Variants in WWOX observed in about 807,000 individuals in gnomAD.
WWOX encodes WW domain containing oxidoreductase.
A neutral mutation model predicts 46.2 loss-of-function variants in WWOX; 69 were observed. The observed-to-expected ratio is 1.49, with a 90% CI of 1.23 to 1.82. The LOEUF is 1.82. Ranked by LOEUF, WWOX falls within the 40% of genes most tolerant of loss-of-function variation. The probability of loss-of-function intolerance (pLI) is 0.00; values close to 1 mark genes in which losing one functional copy is unlikely to be tolerated. For missense variants in WWOX, 919 were observed against 542.6 expected (o/e 1.69, Z -6.89); for synonymous variants, 359 against 202.6 (o/e 1.77, Z -6.56).
intron 8 of WWOX, among the ~76,000 whole-genome samples, chr16:78,745,300 G>T (rs766427815): frequency 3.3e-5 from 5 of 152,080 alleles, no homozygotes; most frequent in Non-Finnish European, 2.9e-5. Flanking sequence ...CATCTTCCCC[G>T]CCTTCCTCCA....
At chr16:78,441,385 T>C (rs960287877) in intron 8 of WWOX, among the ~76,000 whole-genome samples, 4 of 152,206 alleles carry the variant, frequency 2.6e-5, no homozygotes, top group Admixed American at 6.5e-5. Flanking sequence ...TTAATGTACT[T>C]CTTATCATTT....
At chr16:78,324,470 G>A (rs1201101866) in intron 5 of WWOX, among the ~76,000 whole-genome samples, 1 of 152,084 alleles carries the variant, frequency 6.6e-6, no homozygotes, top group African/African-American at 2.4e-5. Flanking sequence ...CATGGACCAA[G>A]ACTTGTACAT....
At chr16:78,805,887 C>G (rs896408120) in intron 8 of WWOX, among the ~76,000 whole-genome samples, 3 of 152,176 alleles carry the variant, frequency 2.0e-5, no homozygotes, top group Non-Finnish European at 2.9e-5. Flanking sequence ...CTTGTTGGGT[C>G]TTCTTTCTAG....
intron 8 of WWOX, among the ~76,000 whole-genome samples, chr16:78,934,083 C>G (rs959133105): frequency 6.6e-6 from 1 of 151,826 alleles, no homozygotes; most frequent in Admixed American, 6.6e-5. Context: ...TGCTGGTAAT[C>G]CCAGCACTTT....
At chr16:78,583,837 C>G (rs1475643218) in intron 8 of WWOX, among the ~76,000 whole-genome samples, 3 of 152,204 alleles carry the variant, frequency 2.0e-5, no homozygotes, top group African/African-American at 7.2e-5. Flanking sequence ...GTAATTGAGC[C>G]TCTCAGGTGA....
At chr16:78,889,604 C>A (rs989150476) in intron 8 of WWOX, among the ~76,000 whole-genome samples, 8 of 152,102 alleles carry the variant, frequency 5.3e-5, no homozygotes, top group African/African-American at 1.9e-4. Context: ...AAGTACTAAG[C>A]GTGCCCAGGG....
In WWOX at chr16:78,424,097, CTTTTCTTTTCTTTTTTTTTTTTGTT is replaced by C. The variant is rs1453570655; in HGVS notation, c.606-768_606-744del. 3.3e-5 allele frequency among the ~76,000 whole-genome samples: 4 copies of C among 122,980 alleles called. No homozygotes were observed. The East Asian group carries it at 1.2e-3, about 38-fold the overall frequency. The allele number at this position is 122,980 out of a possible 152,430, so 80.7% of individuals were successfully genotyped here. A position where few individuals can be genotyped will look rare whatever the true frequency, so the allele number is the denominator to read the frequency against. On this transcript the variant is annotated intron_variant, in intron 6 of 8. Coordinates refer to ENST00000566780, the MANE Select transcript of WWOX (RefSeq NM_016373.4). ...TTTTCTTTTTCTTTGTTTTTCTTTT[CTTTTCTTTTCTTTTTTTTTTTTGTT>C]TTTTTTTTTTTTGGAGATAGAGTCT...
At chr16:78,174,483 A>G (rs907887303) in intron 5 of WWOX, among the ~76,000 whole-genome samples, 4 of 152,204 alleles carry the variant, frequency 2.6e-5, no homozygotes, top group Non-Finnish European at 5.9e-5. Flanking sequence ...TCAGACACAA[A>G]CATTCAATTC....
intron 8 of WWOX, among the ~76,000 whole-genome samples, chr16:78,951,839 G>C (rs2046066497): frequency 6.6e-6 from 1 of 152,160 alleles, no homozygotes; most frequent in Non-Finnish European, 1.5e-5. Flanking sequence ...GGCAGTTCCT[G>C]GCACCAGCAT....
rs571033539 is a variant in WWOX at position 78,695,322 on chromosome 16, C to G, written c.1056+262570C>G. 5.3e-5 allele frequency among the ~76,000 whole-genome samples: 8 copies of G among 152,170 alleles called. No individual in the cohort carries two copies. The South Asian group carries it at 1.2e-3, about 24-fold the overall frequency. On this transcript the variant is annotated intron_variant, in intron 8 of 8. Coordinates refer to ENST00000566780, the MANE Select transcript of WWOX (RefSeq NM_016373.4). ...GCTTCCCCCCACTTTTTCTCTCACTCCAATTTGAATCCTCCCATATGTCCC... is the reference window on the plus strand; with the variant it reads ...GCTTCCCCCCACTTTTTCTCTCACTGCAATTTGAATCCTCCCATATGTCCC...
At position 78,099,681 on chromosome 16, in the gene WWOX, C is replaced by T. The variant is rs573508337; in HGVS notation, c.-98C>T. 676 of 1,426,398 alleles carry T rather than the reference C, an allele frequency of 4.7e-4. No homozygotes were observed. Among genetic ancestry groups the T allele is most frequent in the Middle Eastern group, 7.6e-4 (3 of 3,938 alleles). The allele number at this position is 1,426,398 out of a possible 1,614,324, so 88.4% of individuals were successfully genotyped here. ...AGTGCGCAGGCGTGAGCGGTCGGGC[C>T]CCGACGCGCGCGGGTCTCGTTTGGA... On this transcript the variant is annotated 5_prime_UTR_variant, in exon 1 of 9. Coordinates refer to ENST00000566780, the MANE Select transcript of WWOX (RefSeq NM_016373.4).
chr16:78,902,959 C>T (rs1208737206), intron 8 of WWOX, among the ~76,000 whole-genome samples: 1 of 152,200 alleles, frequency 6.6e-6, no homozygotes, highest in African/African-American at 2.4e-5. Context: ...ATCCACATTC[C>T]TGGATGAGTC....
At chr16:79,063,051 T>G (rs2048382449) in intron 8 of WWOX, among the ~76,000 whole-genome samples, 1 of 152,194 alleles carries the variant, frequency 6.6e-6, no homozygotes. Flanking sequence ...AGAGGGAGGT[T>G]GATAAACCAT....
chr16:79,185,801 T>C (rs992984164), intron 8 of WWOX, among the ~76,000 whole-genome samples: 1 of 152,182 alleles, frequency 6.6e-6, no homozygotes, highest in Non-Finnish European at 1.5e-5. Context: ...CAGGGTAGAA[T>C]GCATCGGACA....
At chr16:78,232,353 A>T (rs1443306325) in intron 5 of WWOX, among the ~76,000 whole-genome samples, 2 of 152,206 alleles carry the variant, frequency 1.3e-5, no homozygotes, top group Admixed American at 6.5e-5. Flanking sequence ...TTATAAATAC[A>T]CAAATTCTTG....
At chr16:78,430,134 G>C (rs1405845813) in intron 7 of WWOX, among the ~76,000 whole-genome samples, 1 of 152,098 alleles carries the variant, frequency 6.6e-6, no homozygotes, top group African/African-American at 2.4e-5. Flanking sequence ...AAGGGCAAAG[G>C]GATGTCTTAC....
chr16:79,075,692 A>G (rs375540785), intron 8 of WWOX, among the ~76,000 whole-genome samples: 4 of 152,074 alleles, frequency 2.6e-5, no homozygotes, highest in African/African-American at 7.2e-5. Context: ...AGCTGGGACT[A>G]TAGGTGTACA....
intron 8 of WWOX, among the ~76,000 whole-genome samples, chr16:78,638,025 G>T (rs2046615887): frequency 6.6e-6 from 1 of 152,052 alleles, no homozygotes; most frequent in Non-Finnish European, 1.5e-5. Flanking sequence ...TTCTTCCCTG[G>T]GAAGCTTGCT....
chr16:78,858,423 T>G (rs2052620718), intron 8 of WWOX, among the ~76,000 whole-genome samples: 1 of 152,070 alleles, frequency 6.6e-6, no homozygotes, highest in African/African-American at 2.4e-5. Context: ...GATATAATTT[T>G]GAGTTGGAAA....
Sources: allele counts gnomAD v4.1 joint callset (sites outside exome capture counted in the v4.1 genomes callset), GRCh38; gene constraint gnomAD v4.1.1; transcripts MANE v1.5; gene names NCBI Gene and HGNC (gene_info 2026-07-23, HGNC 2026-07-21).